CELF2: variants seen among roughly 807,000 people sequenced by gnomAD.
The protein encoded by CELF2 is CUGBP Elav-like family member 2.
Under a neutral mutation model 62.6 loss-of-function variants are expected in CELF2, and 8 were observed. That is an observed-to-expected ratio of 0.13 (90% CI 0.07 to 0.23). The LOEUF is 0.23. Ranked by LOEUF, CELF2 falls within the 10% of genes least tolerant of loss-of-function variation. CELF2 has a pLI of 1.00. For synonymous variants in CELF2, 258 were observed against 250.0 expected (o/e 1.03, Z -0.30); for missense variants, 333 against 671.0 (o/e 0.50, Z 5.56).
At chr10:11,063,982 C>A (rs1201677518) in intron 1 of CELF2, among the ~76,000 whole-genome samples, 1 of 152,144 alleles carries the variant, frequency 6.6e-6, no homozygotes, top group East Asian at 1.9e-4. Context: ...GGTGGAGTTG[C>A]ATTCACTCAG....
chr10:11,257,988 T>C lies in CELF2; in HGVS notation c.538+116T>C, dbSNP rs534344239. 6.9e-5 allele frequency: 82 copies of C among 1,180,572 alleles called. No individual in the cohort carries two copies. The South Asian group carries it at 1.2e-3, about 17-fold the overall frequency. The allele number at this position is 1,180,572 out of a possible 1,614,324, so 73.1% of individuals were successfully genotyped here. On this transcript the variant is annotated intron_variant, in intron 5 of 12. Coordinates refer to ENST00000633077, the MANE Select transcript of CELF2 (RefSeq NM_001326342.2). ...AGAGGTCACCCTGTAATACATCCCA[T>C]GTGATAAAGTTATCCAACCTGAACT...
At chr10:10,574,208 A>G in the CELF2 span, among the ~76,000 whole-genome samples, 1 of 152,338 alleles carries the variant, frequency 6.6e-6, no homozygotes, top group Middle Eastern at 3.4e-3. Context: ...AAAGCCAAGG[A>G]CATTATCCCA....
chr10:10,609,323 T>G, the CELF2 span, among the ~76,000 whole-genome samples: 2 of 152,214 alleles, frequency 1.3e-5, no homozygotes, highest in African/African-American at 4.8e-5. Flanking sequence ...ATTTGGCATC[T>G]GATAGCATGT....
In CELF2 at chr10:10,991,516, G is replaced by T. The variant is rs148359296; in HGVS notation, c.89+71517G>T. Reference sequence around the variant, plus strand: ...CTGCCTGTCCCCAACAAATCCACCAGTGCATCCTGGGGGTGATAAACTGCC... The same window carrying T: ...CTGCCTGTCCCCAACAAATCCACCATTGCATCCTGGGGGTGATAAACTGCC... On this transcript the variant is annotated intron_variant, in intron 2 of 13. Transcript: ENST00000636488. Among the ~76,000 whole-genome samples, 94 of 152,302 alleles carry T rather than the reference G, an allele frequency of 6.2e-4. 3 individuals are homozygous for T. The East Asian group carries it at 0.018, about 29-fold the overall frequency.
the CELF2 span, among the ~76,000 whole-genome samples, chr10:10,523,014 C>A: frequency 2.0e-5 from 3 of 152,240 alleles, no homozygotes; most frequent in African/African-American, 7.2e-5. Flanking sequence ...AGAGTTGGAA[C>A]TCTTCCAGTT....
chr10:11,015,203 A>G (rs2057079528), upstream of CELF2, among the ~76,000 whole-genome samples: 1 of 152,180 alleles, frequency 6.6e-6, no homozygotes, highest in Non-Finnish European at 1.5e-5. This position sits in a 1 kb window ranked among gnomAD's most constrained non-coding sequence, Gnocchi z 4.8. Flanking sequence ...AGTTGTTTTT[A>G]GATTTTTTTT....
chr10:10,764,131 G>A, the CELF2 span, among the ~76,000 whole-genome samples: 1 of 152,218 alleles, frequency 6.6e-6, no homozygotes, highest in East Asian at 1.9e-4. Flanking sequence ...AAGGAAAGGA[G>A]ATGTCAGTAG....
chr10:11,079,875 T>A (rs943896377), intron 1 of CELF2, among the ~76,000 whole-genome samples: 1 of 152,030 alleles, frequency 6.6e-6, no homozygotes, highest in Non-Finnish European at 1.5e-5. Context: ...GTTACCACAG[T>A]AGAGTGCAAA....
intron 1 of CELF2, among the ~76,000 whole-genome samples, chr10:11,094,612 G>C (rs2049256764): frequency 6.6e-6 from 1 of 152,176 alleles, no homozygotes; most frequent in Non-Finnish European, 1.5e-5. Context: ...AGGGAAGTGA[G>C]AGCTGTGTCT....
At chr10:11,103,164 C>T (rs899849423) in intron 1 of CELF2, among the ~76,000 whole-genome samples, 3 of 152,118 alleles carry the variant, frequency 2.0e-5, no homozygotes, top group East Asian at 1.9e-4. Flanking sequence ...TTCTTCACCC[C>T]AGCTAGTCAC....
At position 11,165,137 on chromosome 10, in the gene CELF2, G is replaced by T. The variant is rs768288116; in HGVS notation, c.75-349G>T. On this transcript the variant is annotated intron_variant, in intron 1 of 12. Transcript: ENST00000633077. The surrounding 1 kb of genome is among the most constrained non-coding windows in gnomAD (Gnocchi z 7.4). The stretch of plus-strand genomic sequence containing the variant: ...ACAGCCAGGGTAGGGCTGATAAGGC[G>T]CTGATGCGTTGATGGCAGCCTTGCA... 1.0e-5 allele frequency: 11 copies of T among 1,062,358 alleles called. No individual in the cohort carries two copies. The highest frequency in any genetic ancestry group is 1.1e-5 in the Non-Finnish European group (10 of 877,012). The allele number at this position is 1,062,358 out of a possible 1,614,324, so 65.8% of individuals were successfully genotyped here.
Position 11,255,223 on chromosome 10 carries a change from G to T in CELF2, c.404-2515G>T, listed in dbSNP as rs984683347. Among the ~76,000 whole-genome samples, 1 of 152,230 alleles carries T rather than the reference G, an allele frequency of 6.6e-6. No individual in the cohort carries two copies. Among genetic ancestry groups the T allele is most frequent in the Non-Finnish European group, 1.5e-5 (1 of 68,044 alleles). On this transcript the variant is annotated intron_variant, in intron 4 of 12. Transcript: ENST00000633077. The surrounding 1 kb of genome is among the most constrained non-coding windows in gnomAD (Gnocchi z 5.5). ...AGAAGTTTTCCGTCAGCGTACAGGAGGTCAGGTCCTCAGCAGTCTCCCTCC... is the reference window on the plus strand; with the variant it reads ...AGAAGTTTTCCGTCAGCGTACAGGATGTCAGGTCCTCAGCAGTCTCCCTCC...
At chr10:10,566,525 G>A in the CELF2 span, among the ~76,000 whole-genome samples, 17,188 of 148,356 alleles carry the variant, frequency 0.12, 2,809 homozygotes, top group African/African-American at 0.37. Context: ...CCACTAACTC[G>A]TCATCTAGCA....
In CELF2 at chr10:11,306,086, C is replaced by T. The variant is rs990050914; in HGVS notation, c.977-8053C>T. ...AGGTTTTAACCAGTGGTACAACAGG[C>T]TTAAAATGTGACGTATCCAAGTTAT... On this transcript the variant is annotated intron_variant, in intron 9 of 12. Coordinates refer to ENST00000633077, the MANE Select transcript of CELF2 (RefSeq NM_001326342.2). This position sits in a 1 kb window ranked among gnomAD's most constrained non-coding sequence, Gnocchi z 4.4. Among the ~76,000 whole-genome samples, 3 of 152,162 alleles carry T rather than the reference C, an allele frequency of 2.0e-5. No homozygotes were observed. Among genetic ancestry groups the T allele is most frequent in the African/African-American group, 7.2e-5 (3 of 41,450 alleles).
At chr10:10,793,491 A>G (rs1300434107), upstream of CELF2, among the ~76,000 whole-genome samples, 2 of 152,216 alleles carry the variant, frequency 1.3e-5, no homozygotes, top group Non-Finnish European at 2.9e-5. Flanking sequence ...TAGCCGCTAC[A>G]TTAACTGCCA....
intron 9 of CELF2, among the ~76,000 whole-genome samples, chr10:11,291,702 G>C (rs1046376080): frequency 1.3e-5 from 2 of 151,874 alleles, no homozygotes; most frequent in Admixed American, 1.3e-4. Flanking sequence ...TTAATTCTTG[G>C]GTCATTTATT....
Position 11,328,917 on chromosome 10 carries a change from A to ATTT in CELF2, c.1439-7_1439-5dup. ...CTCCAGGCTGACTCCCTCTCTCGGT[A>ATTT]TTTTCCAGGTTTTGTTAGCTACGAC... On this transcript the variant is annotated splice_polypyrimidine_tract_variant and intron_variant, in intron 12 of 12. Coordinates refer to ENST00000633077, the MANE Select transcript of CELF2 (RefSeq NM_001326342.2). The surrounding 1 kb of genome is among the most constrained non-coding windows in gnomAD (Gnocchi z 6.4). The ATTT allele has an allele frequency of 2.5e-6, 4 of 1,603,316 alleles. No homozygotes were observed. The African/African-American group carries it at 5.4e-5, about 21-fold the overall frequency.
chr10:11,246,715 G>A lies in CELF2; in HGVS notation c.355-2438G>A, dbSNP rs535504173. Among the ~76,000 whole-genome samples, 4 of 152,196 alleles carry A rather than the reference G, an allele frequency of 2.6e-5. No individual in the cohort carries two copies. The East Asian group carries it at 7.7e-4, about 29-fold the overall frequency. ...TGCTCTCCTTGGACTCCTCTTTCCT[G>A]GTATTCTCTGCAGTTCTGTCCTCGG... is the stretch of plus-strand genomic sequence containing the variant. On this transcript the variant is annotated intron_variant, in intron 3 of 12. Coordinates refer to ENST00000633077, the MANE Select transcript of CELF2 (RefSeq NM_001326342.2). This position sits in a 1 kb window ranked among gnomAD's most constrained non-coding sequence, Gnocchi z 4.6.
chr10:10,556,500 C>G, the CELF2 span, among the ~76,000 whole-genome samples: 1 of 152,120 alleles, frequency 6.6e-6, no homozygotes. Flanking sequence ...CATACGTGTG[C>G]GTGTGTCTTT....
Sources: allele counts gnomAD v4.1 joint callset (sites outside exome capture counted in the v4.1 genomes callset), GRCh38; gene constraint gnomAD v4.1.1; non-coding constraint Gnocchi (gnomAD v3.1); transcripts MANE v1.5; gene names NCBI Gene and HGNC (gene_info 2026-07-23, HGNC 2026-07-21).